Variants in CENPE observed in about 807,000 individuals in gnomAD.
CENPE encodes the protein centromere-associated protein E.
CENPE carries 145 observed loss-of-function variants against 336.1 expected under a neutral mutation model. The observed-to-expected ratio is 0.43, with a 90% CI of 0.38 to 0.50. The LOEUF (loss-of-function observed/expected upper bound fraction) is 0.50. Ranked by LOEUF, CENPE falls within the 20% of genes least tolerant of loss-of-function variation. The probability of loss-of-function intolerance (pLI) is 0.00; values close to 1 mark genes in which losing one functional copy is unlikely to be tolerated. For synonymous variants in CENPE, 1,013 were observed against 984.8 expected (o/e 1.03, Z -0.54); for missense variants, 2,719 against 3,023.3 (o/e 0.90, Z 2.36).
intron 13 of CENPE, 90 bp downstream of exon 13, chr4:103,180,221 G>T: frequency 8.6e-7 from 1 of 1,168,724 alleles, no homozygotes; most frequent in Non-Finnish European, 1.2e-6. Context: ...TGTATCAAAG[G>T]ATAGAAAGTG....
At chr4:103,187,228 T>A (rs1034012120) in intron 8 of CENPE, among the ~76,000 whole-genome samples, 6 of 152,216 alleles carry the variant, frequency 3.9e-5, no homozygotes, top group Admixed American at 3.3e-4. Context: ...AGATTTGGTC[T>A]TTTCACATAG....
At chr4:103,120,970 A>G (rs1332557899) in intron 43 of CENPE, among the ~76,000 whole-genome samples, 41 of 152,176 alleles carry the variant, frequency 2.7e-4, no homozygotes, top group Non-Finnish European at 1.5e-5. Context: ...TCCTGACCTC[A>G]GGTGATCTGC....
At chr4:103,188,080 A>C (rs944549916) in intron 8 of CENPE, among the ~76,000 whole-genome samples, 16 of 152,272 alleles carry the variant, frequency 1.1e-4, no homozygotes, top group South Asian at 8.3e-4. Flanking sequence ...GGATCAATTC[A>C]ACAAGAAGAG....
At chr4:103,108,727 C>T (rs1749115749) in intron 48 of CENPE, 76 bp downstream of exon 48, 2 of 1,324,836 alleles carry the variant, frequency 1.5e-6, no homozygotes, top group Non-Finnish European at 1.0e-6. Context: ...TCTAAACTTG[C>T]CCTTTGGGAT....
chr4:103,163,424 G>A, intron 17 of CENPE, 55 bp downstream of exon 17: 1 of 1,328,648 alleles, frequency 7.5e-7, no homozygotes, highest in Non-Finnish European at 1.1e-6. Flanking sequence ...TACATATGTT[G>A]CATGTTTTAT....
At position 103,171,405 on chromosome 4, in the gene CENPE, C is replaced by T. The variant is rs140110615; in HGVS notation, c.1647+3331G>A. On this transcript the variant is annotated intron_variant, in intron 16 of 48. Coordinates refer to ENST00000265148, the MANE Select transcript of CENPE (RefSeq NM_001813.3). ...ATTACAAATACATAAAAATTAAACA[C>T]GCTCCTGAACAACCACTGGGTTAAT... 7.5e-3 allele frequency among the ~76,000 whole-genome samples: 1,138 copies of T among 151,988 alleles called. 18 individuals are homozygous for T. The highest frequency in any genetic ancestry group is 0.041 in the Middle Eastern group (12 of 294).
At position 103,163,197 on chromosome 4, in the gene CENPE, T is replaced by C. The variant is rs1175294450; in HGVS notation, c.1782A>G (p.Leu594=). The C allele has an allele frequency of 4.4e-6, 7 of 1,608,702 alleles. No individual in the cohort carries two copies. The highest frequency in any genetic ancestry group is 6.0e-6 in the Non-Finnish European group (7 of 1,175,874). Residue 594 remains leucine, a synonymous_variant, in exon 18 of 49, where the codon CTA becomes CTG. Transcript: ENST00000265148. ...LREKEDQIKK[L]QEYIDSQKLE... ...GCTTTTGAGAGTCTATGTATTCCTG[T>C]AGCTTCTTAATCTGGTCTTCCTTTT...
chr4:103,185,679 CAATT>C (rs1756708640), intron 9 of CENPE, 127 bp downstream of exon 9: 1 of 514,792 alleles, frequency 1.9e-6, no homozygotes, highest in East Asian at 3.3e-5. Flanking sequence ...CAGAAAATCA[CAATT>C]AATGATTCAT....
At chr4:103,158,975 A>G (rs781377921) in intron 22 of CENPE, 35 bp downstream of exon 22, 17 of 1,532,706 alleles carry the variant, frequency 1.1e-5, no homozygotes. Context: ...CCAGAAGACT[A>G]AGGAGCATTT....
At position 103,158,359 on chromosome 4, in the gene CENPE, A is replaced by G. The variant is rs1449303239; in HGVS notation, c.2974T>C (p.Ser992Pro). 1.2e-6 allele frequency: 2 copies of G among 1,610,098 alleles called. No individual in the cohort carries two copies. The highest frequency in any genetic ancestry group is 1.6e-4 in the Middle Eastern group (1 of 6,072). The change falls in exon 24 of 49, where the codon TCC becomes CCC. Residue 992 changes from serine (S) to proline (P), a missense_variant. By Grantham distance (74) the Ser-to-Pro change is moderately conservative (BLOSUM62 -1). This residue lies in a region of CENPE where 2,437 missense variants were observed against 2,513.3 expected (regional missense o/e 0.97). Coordinates refer to ENST00000265148, the MANE Select transcript of CENPE (RefSeq NM_001813.3). ...TLKSKISEEV[S>P]RNLHMEENTG... ...TTTTCCTCCATATGCAAATTCCTGG[A>G]AACTTCCTCAGAAATTTTCGATTTT...
At chr4:103,113,076 A>G (rs1161636680) in intron 46 of CENPE, among the ~76,000 whole-genome samples, 3 of 126,316 alleles carry the variant, frequency 2.4e-5, no homozygotes, top group African/African-American at 5.8e-5. Flanking sequence ...ATATATACTT[A>G]TAAGTATATA....
In CENPE at chr4:103,141,133, G is replaced by A. The variant is rs745671868; in HGVS notation, c.5464-29C>T. 5.9e-6 allele frequency: 8 copies of A among 1,365,868 alleles called. No individual in the cohort carries two copies. The African/African-American group carries it at 1.2e-4, about 20-fold the overall frequency. 84.6% of individuals were successfully genotyped at this position (1,365,868 alleles called of 1,614,324 possible). The stretch of plus-strand genomic sequence containing the variant: ...AAGATAATCATAAAATAATATGTTA[G>A]GTGGCTTTTTAGGGACAGATAAATA... On this transcript the variant is annotated intron_variant, in intron 35 of 48. Transcript: ENST00000265148.
intron 47 of CENPE, 110 bp downstream of exon 47, chr4:103,110,718 C>A: frequency 1.5e-6 from 1 of 648,782 alleles, no homozygotes; most frequent in South Asian, 3.6e-5. Flanking sequence ...ATTACTTTCC[C>A]CATAATGACT....
Position 103,146,103 on chromosome 4 carries a change from T to C in CENPE, c.4139A>G (p.Gln1380Arg), listed in dbSNP as rs762647642. The C allele has an allele frequency of 8.1e-6, 13 of 1,611,940 alleles. No individual in the cohort carries two copies. The highest frequency in any genetic ancestry group is 1.0e-5 in the Non-Finnish European group (12 of 1,179,376). Reference protein sequence around the residue: ...EHIRETLAKIQESQSKQEQSL... With the variant: ...EHIRETLAKIRESQSKQEQSL... ...CTGTTCTTGTTTGCTTTGAGACTCC[T>C]GGATCTTAAGAGAATCATAAAACAG... The change falls in exon 30 of 49, where the codon CAG becomes CGG. Residue 1380 changes from glutamine (Q) to arginine (R), a missense_variant. Physicochemically the swap from Gln to Arg is conservative, Grantham distance 43. Coordinates refer to ENST00000265148, the MANE Select transcript of CENPE (RefSeq NM_001813.3).
Position 103,163,305 on chromosome 4 carries a change from C to T in CENPE, c.1723-49G>A, listed in dbSNP as rs201768589. 1.3e-5 allele frequency: 20 copies of T among 1,530,884 alleles called. No individual in the cohort carries two copies. The East Asian group carries it at 3.8e-4, about 29-fold the overall frequency. The allele number at this position is 1,530,884 out of a possible 1,614,324, so 94.8% of individuals were successfully genotyped here. A position where few individuals can be genotyped will look rare whatever the true frequency, so the allele number is the denominator to read the frequency against. On this transcript the variant is annotated intron_variant, in intron 17 of 48. Coordinates refer to ENST00000265148, the MANE Select transcript of CENPE (RefSeq NM_001813.3). ...AACAATTTAGAATCTGATTTGAAGT[C>T]TAAGGGATTAAAACAGAACTTATAT...
chr4:103,137,886 C>T (rs1275073936), intron 39 of CENPE, among the ~76,000 whole-genome samples: 1 of 152,102 alleles, frequency 6.6e-6, no homozygotes, highest in African/African-American at 2.4e-5. Context: ...GGTAAAAATT[C>T]CCCAATGGAT....
At chr4:103,185,158 A>G (rs1481705546) in intron 9 of CENPE, among the ~76,000 whole-genome samples, 1 of 152,102 alleles carries the variant, frequency 6.6e-6, no homozygotes, top group African/African-American at 2.4e-5. Context: ...TACAAAAATT[A>G]GCTGGGCGTG....
At chr4:103,117,172 C>T (rs1750201624) in intron 44 of CENPE, among the ~76,000 whole-genome samples, 1 of 152,136 alleles carries the variant, frequency 6.6e-6, no homozygotes, top group Non-Finnish European at 1.5e-5. Flanking sequence ...CTATATTTTA[C>T]AGCAGCAGGT....
intron 9 of CENPE, among the ~76,000 whole-genome samples, chr4:103,183,631 A>C (rs1227177031): frequency 1.3e-5 from 2 of 152,172 alleles, no homozygotes; most frequent in African/African-American, 4.8e-5. Context: ...GGCAACTATG[A>C]ACTTACAACC....
Sources: allele counts gnomAD v4.1 joint callset (sites outside exome capture counted in the v4.1 genomes callset), GRCh38; gene constraint gnomAD v4.1.1; regional missense constraint gnomAD v4.1.1; transcripts MANE v1.5; gene names NCBI Gene and HGNC (gene_info 2026-07-23, HGNC 2026-07-21).